SH3TC1: variants seen among roughly 807,000 people sequenced by gnomAD.
SH3TC1 encodes SH3 domain and tetratricopeptide repeat-containing protein 1.
A neutral mutation model predicts 117.3 loss-of-function variants in SH3TC1; 135 were observed. The observed-to-expected ratio is 1.15, with a 90% CI of 1.00 to 1.33. The LOEUF (loss-of-function observed/expected upper bound fraction) is 1.33. SH3TC1 is among the 40% of genes most tolerant of loss of function. SH3TC1 has a pLI of 0.00. For synonymous variants in SH3TC1, 898 were observed against 816.9 expected (o/e 1.10, Z -1.69); for missense variants, 2,092 against 1,794.3 (o/e 1.17, Z -3.00).
At chr4:8,203,688 A>G (rs570101961) in intron 1 of SH3TC1, among the ~76,000 whole-genome samples, 1 of 152,202 alleles carries the variant, frequency 6.6e-6, no homozygotes, top group East Asian at 1.9e-4. Context: ...AGACATTCTG[A>G]GCAGACACTG....
rs1718498625 is a variant in SH3TC1 at position 8,209,843 on chromosome 4, A to C, written c.247+21A>C. 1 of 1,609,638 alleles carries C rather than the reference A, an allele frequency of 6.2e-7. No individual in the cohort carries two copies. The highest frequency in any genetic ancestry group is 1.7e-5 in the Admixed American group (1 of 59,634). ...CACAGGTAAACATCCTGGGCCCTACACAGGGCTTCAGGTTCAAATCCGGGC... is the reference window on the plus strand; with the variant it reads ...CACAGGTAAACATCCTGGGCCCTACCCAGGGCTTCAGGTTCAAATCCGGGC... On this transcript the variant is annotated intron_variant, in intron 3 of 17. Transcript: ENST00000245105. The surrounding 1 kb of genome is among the most constrained non-coding windows in gnomAD (Gnocchi z 5.9).
chr4:8,232,436 C>G, intron 13 of SH3TC1: 1 of 1,531,864 alleles, frequency 6.5e-7, no homozygotes, highest in Middle Eastern at 1.7e-4. Context: ...GAAGCAGTTA[C>G]ATGCATTCTG....
At position 8,216,153 on chromosome 4, in the gene SH3TC1, C is replaced by T; in HGVS notation, c.524C>T (p.Ala175Val). ...CTGGCAAACCTGCTCATGGACCAGG[C>T]CTTCTGGCTGCTCTTGCCCAGTGAG... ...HCLANLLMDQ[A>V]FWLLLPSEEE... Residue 175 changes from alanine to valine, a missense_variant, in exon 6 of 18, where the codon GCC (alanine) becomes GTC (valine). Transcript: ENST00000245105. The T allele has an allele frequency of 1.9e-6, 3 of 1,613,776 alleles. No individual in the cohort carries two copies. The highest frequency in any genetic ancestry group is 2.5e-6 in the Non-Finnish European group (3 of 1,180,026).
At position 8,235,463 on chromosome 4, in the gene SH3TC1, G is replaced by T; in HGVS notation, c.3313G>T (p.Asp1105Tyr). ...VAQNVALYTG[D>Y]PNLGLELFEA... ...ACAGAACGTGGCCCTGTACACAGGC[G>T]ACCCCAACCTGGGGCTGGAGCTGTT... Residue 1105 changes from aspartate (D) to tyrosine (Y), a missense_variant, in exon 15 of 18, where the codon GAC becomes TAC. Coordinates refer to ENST00000245105, the MANE Select transcript of SH3TC1 (RefSeq NM_018986.5). 1 of 1,595,136 alleles carries T rather than the reference G, an allele frequency of 6.3e-7. No individual in the cohort carries two copies. Among genetic ancestry groups the T allele is most frequent in the Non-Finnish European group, 8.6e-7 (1 of 1,169,336 alleles).
chr4:8,217,898 C>G (rs979597377), intron 7 of SH3TC1, among the ~76,000 whole-genome samples: 1 of 152,214 alleles, frequency 6.6e-6, no homozygotes, highest in South Asian at 2.1e-4. Context: ...CACAGTGGTA[C>G]TAGGATTTGA....
Position 8,190,525 on chromosome 4 carries a change from G to A in SH3TC1, c.-57+8315G>A, listed in dbSNP as rs1190092881. Among the ~76,000 whole-genome samples the A allele has an allele frequency of 6.6e-6, 1 of 152,116 alleles. No homozygotes were observed. The highest frequency in any genetic ancestry group is 1.5e-5 in the Non-Finnish European group (1 of 68,008). ...GGGCTCTTGGGAGAATGGCAGCCTT[G>A]CAGCCCCTGCTGTGTGCCCTCATCT... On this transcript the variant is annotated intron_variant, in intron 1 of 16. Coordinates refer to the SH3TC1 transcript ENST00000508641. The surrounding 1 kb of genome is among the most constrained non-coding windows in gnomAD (Gnocchi z 4.7).
At chr4:8,200,694 C>T (rs1717774991) in intron 1 of SH3TC1, among the ~76,000 whole-genome samples, 1 of 152,252 alleles carries the variant, frequency 6.6e-6, no homozygotes, top group Non-Finnish European at 1.5e-5. Flanking sequence ...ACAGCCCTCT[C>T]GGTCGTGTTC....
Position 8,192,475 on chromosome 4 carries a change from TATTTTATTTTATTTTATTTTATTTC to T in SH3TC1, c.-57+10276_-57+10300del, listed in dbSNP as rs1717447228. Among the ~76,000 whole-genome samples the T allele has an allele frequency of 6.6e-6, 1 of 150,724 alleles. No individual in the cohort carries two copies. The highest frequency in any genetic ancestry group is 1.5e-5 in the Non-Finnish European group (1 of 67,806). ...TATTTTATTTTATTTTATTTTATTT[TATTTTATTTTATTTTATTTTATTTC>T]ATTTTATTTTTGAGATGGAGTCTCA... On this transcript the variant is annotated intron_variant, in intron 1 of 16. Transcript: ENST00000508641. The surrounding 1 kb of genome is among the most constrained non-coding windows in gnomAD (Gnocchi z 4.1).
At chr4:8,201,205 T>A (rs1717811935) in intron 1 of SH3TC1, among the ~76,000 whole-genome samples, 1 of 152,166 alleles carries the variant, frequency 6.6e-6, no homozygotes, top group African/African-American at 2.4e-5. Flanking sequence ...GCCCTCTCCC[T>A]TCTTCTTCCA....
intron 1 of SH3TC1, among the ~76,000 whole-genome samples, chr4:8,200,278 G>T (rs1717747141): frequency 6.6e-6 from 1 of 152,216 alleles, no homozygotes; most frequent in African/African-American, 2.4e-5. Context: ...TGGAGGCAAG[G>T]CTGGGCCCGA....
intron 2 of SH3TC1, among the ~76,000 whole-genome samples, chr4:8,208,398 C>G (rs192723170): frequency 2.1e-5 from 3 of 142,026 alleles, no homozygotes; most frequent in Admixed American, 7.5e-5. Context: ...GATGGAGTCT[C>G]GCTCTGTTGC....
At chr4:8,214,231 C>T (rs1719009458) in intron 4 of SH3TC1, among the ~76,000 whole-genome samples, 1 of 151,882 alleles carries the variant, frequency 6.6e-6, no homozygotes, top group African/African-American at 2.4e-5. Context: ...GGTGAGGAGC[C>T]AGGGCATGGG....
chr4:8,215,039 G>T, intron 5 of SH3TC1: 1 of 430,868 alleles, frequency 2.3e-6, no homozygotes, highest in Non-Finnish European at 4.8e-6. Context: ...ACACTGGTGT[G>T]CGCACCTGGT....
rs530664062 is a variant in SH3TC1 at position 8,218,101 on chromosome 4, C to T, written c.840-170C>T. ...CCACACGCACGGGGCCTGAAGGCCA[C>T]ACACCTGGGCAGGCATGTGTGTGTG... On this transcript the variant is annotated intron_variant, in intron 7 of 17. Coordinates refer to ENST00000245105, the MANE Select transcript of SH3TC1 (RefSeq NM_018986.5). 8 of 487,516 alleles carry T rather than the reference C, an allele frequency of 1.6e-5. No homozygotes were observed. The East Asian group carries it at 2.3e-4, about 14-fold the overall frequency. 30.2% of individuals were successfully genotyped at this position (487,516 alleles called of 1,614,324 possible).
upstream of SH3TC1, among the ~76,000 whole-genome samples, chr4:8,194,467 G>C (rs979044157): frequency 1.3e-5 from 2 of 152,210 alleles, no homozygotes; most frequent in African/African-American, 2.4e-5. Context: ...CCCTGGGATG[G>C]GAAGCACTTG....
chr4:8,194,918 C>A (rs148065325), upstream of SH3TC1, among the ~76,000 whole-genome samples: 903 of 152,244 alleles, frequency 5.9e-3, 5 homozygotes, highest in Middle Eastern at 0.031. Context: ...CTTAGAAAGC[C>A]CCAGAGGGCA....
intron 6 of SH3TC1, among the ~76,000 whole-genome samples, chr4:8,216,550 C>A (rs1362053143): frequency 6.6e-6 from 1 of 152,212 alleles, no homozygotes; most frequent in Admixed American, 6.5e-5. Flanking sequence ...GCTGCCCTGG[C>A]CTTGTGGCTG....
At chr4:8,234,434 A>G (rs151273084) in intron 14 of SH3TC1, among the ~76,000 whole-genome samples, 6 of 150,896 alleles carry the variant, frequency 4.0e-5, no homozygotes, top group South Asian at 2.1e-4. Flanking sequence ...CCATCCATCC[A>G]TACATTATCC....
At position 8,225,132 on chromosome 4, in the gene SH3TC1, A is replaced by G. The variant is rs1246663749; in HGVS notation, c.1244-43A>G. 1 of 1,611,686 alleles carries G rather than the reference A, an allele frequency of 6.2e-7. No individual in the cohort carries two copies. The highest frequency in any genetic ancestry group is 1.7e-5 in the Admixed American group (1 of 59,804). On this transcript the variant is annotated intron_variant, in intron 10 of 17. Transcript: ENST00000245105. This position sits in a 1 kb window ranked among gnomAD's most constrained non-coding sequence, Gnocchi z 5.5. ...CTCAACCTGGCAGGGGACCAGAGGTACTGGCTGGGGGTGTTGATTGCTTCT... is the reference window on the plus strand; with the variant it reads ...CTCAACCTGGCAGGGGACCAGAGGTGCTGGCTGGGGGTGTTGATTGCTTCT...
Sources: gnomAD v4.1 joint callset for allele counts (sites outside exome capture counted in the v4.1 genomes callset) on GRCh38, gnomAD v4.1.1 for gene constraint, Gnocchi (gnomAD v3.1) non-coding constraint, MANE v1.5 for transcripts, NCBI Gene and HGNC (gene_info 2026-07-23, HGNC 2026-07-21) for gene names.